Variants in COL12A1 observed in about 807,000 individuals in gnomAD.
COL12A1 encodes the protein collagen alpha-1(XII) chain.
In COL12A1, 114 loss-of-function variants were observed where a neutral mutation model predicts 349.7. The ratio of observed to expected loss-of-function variants is 0.33; its 90% CI spans 0.28 to 0.38. COL12A1 has a LOEUF of 0.38. Among genes scored for constraint, COL12A1 ranks in the 10% least tolerant of loss-of-function variants. The pLI, the probability that COL12A1 is intolerant of heterozygous loss-of-function variation, is 1.00. For missense variants in COL12A1, 3,284 were observed against 3,756.9 expected, an observed-to-expected ratio of 0.87 and a Z score of 3.29; for synonymous variants, 1,369 against 1,329.0, an observed-to-expected ratio of 1.03 and a Z score of -0.66.
At chr6:75,102,736 C>G (rs1768366373) in intron 55 of COL12A1, 44 bp from the exon 56 acceptor site, 1 of 1,236,004 alleles carries the variant, frequency 8.1e-7, no homozygotes, top group Non-Finnish European at 1.1e-6. Context: ...AATGTAATAC[C>G]TTTTCAGTGC....
chr6:75,116,991 A>T (rs894924191), intron 47 of COL12A1, among the ~76,000 whole-genome samples: 6 of 152,158 alleles, frequency 3.9e-5, no homozygotes, highest in Non-Finnish European at 7.4e-5. Context: ...ATTTTTCTTC[A>T]TTGCTCTCTT....
Position 75,181,229 on chromosome 6 carries a change from AAGAC to A in COL12A1, c.1892-22_1892-19del, listed in dbSNP as rs1359881623. The A allele has an allele frequency of 1.9e-6, 3 of 1,572,544 alleles. No homozygotes were observed. The African/African-American group carries it at 4.1e-5, about 22-fold the overall frequency. ...GACGTAAGCTATTTAAAAAAAAAAAAAGACAGTTAAAAATGCTTGAATCTATAAA... is the reference window on the plus strand; with the variant it reads ...GACGTAAGCTATTTAAAAAAAAAAAAAGTTAAAAATGCTTGAATCTATAAA... On this transcript the variant is annotated intron_variant, in intron 10 of 65. Transcript: ENST00000322507.
intron 27 of COL12A1, among the ~76,000 whole-genome samples, chr6:75,139,364 C>T (rs1335235233): frequency 6.6e-6 from 1 of 151,982 alleles, no homozygotes; most frequent in Non-Finnish European, 1.5e-5. Context: ...GTTAAGAAGT[C>T]CTTATTAACC....
chr6:75,154,454 G>T lies in COL12A1; in HGVS notation c.3527C>A (p.Thr1176Asn), dbSNP rs1003693918. 5.6e-6 allele frequency: 9 copies of T among 1,612,586 alleles called. No individual in the cohort carries two copies. The highest frequency in any genetic ancestry group is 6.8e-6 in the Non-Finnish European group (8 of 1,179,138). ...SSPLVGQEMTTLSDTTVMPIL... is the reference protein window; with the variant it reads ...SSPLVGQEMTNLSDTTVMPIL... ...TGGCATAACAGTTGTGTCGGAAAGGGTTGTCATTTCTTGTCCAACAAGTGG... is the reference window on the plus strand; with the variant it reads ...TGGCATAACAGTTGTGTCGGAAAGGTTTGTCATTTCTTGTCCAACAAGTGG... The change falls in exon 17 of 66, where the codon ACC (threonine) becomes AAC (asparagine). Residue 1176 changes from threonine to asparagine, a missense_variant. Transcript: ENST00000322507.
At chr6:75,140,939 T>G (rs1340953882) in intron 27 of COL12A1, among the ~76,000 whole-genome samples, 1 of 152,312 alleles carries the variant, frequency 6.6e-6, no homozygotes, top group East Asian at 1.9e-4. Flanking sequence ...TGAATTGAGA[T>G]GTGCTCTAAG....
intron 14 of COL12A1, among the ~76,000 whole-genome samples, chr6:75,163,239 A>G (rs1582158462): frequency 6.6e-6 from 1 of 152,348 alleles, no homozygotes; most frequent in Middle Eastern, 3.4e-3. Context: ...AGTGTTCACA[A>G]TAGCAAAGAC....
Position 75,119,488 on chromosome 6 carries a change from G to T in COL12A1, c.7087-15C>A. ...ACAAATGAAACCTGAAGGAAAATGT[G>T]ATTTGGCAGTGAGCATAAGTCATCT... is the stretch of plus-strand genomic sequence containing the variant. On this transcript the variant is annotated splice_polypyrimidine_tract_variant and intron_variant, in intron 44 of 65. Coordinates refer to ENST00000322507, the MANE Select transcript of COL12A1 (RefSeq NM_004370.6). The T allele has an allele frequency of 1.3e-6, 2 of 1,597,132 alleles. No homozygotes were observed. The highest frequency in any genetic ancestry group is 1.1e-5 in the South Asian group (1 of 88,096).
chr6:75,145,833 T>C (rs1300027647), intron 24 of COL12A1, among the ~76,000 whole-genome samples: 1 of 152,072 alleles, frequency 6.6e-6, no homozygotes, highest in Non-Finnish European at 1.5e-5. Context: ...TGTTTCACCA[T>C]ATTGGTCGGG....
intron 60 of COL12A1, among the ~76,000 whole-genome samples, chr6:75,093,010 T>A (rs1335101650): frequency 6.6e-6 from 1 of 152,170 alleles, no homozygotes; most frequent in East Asian, 1.9e-4. Flanking sequence ...TTTCCATAGA[T>A]CAAATAGCTT....
intron 15 of COL12A1, 123 bp downstream of exon 15, chr6:75,156,134 G>A (rs897704592): frequency 8.2e-7 from 1 of 1,216,642 alleles, no homozygotes; most frequent in Non-Finnish European, 1.1e-6. Flanking sequence ...ACATTGTCTA[G>A]TAATTATAAT....
At chr6:75,188,793 A>G (rs118077439) in intron 7 of COL12A1, among the ~76,000 whole-genome samples, 1 of 152,320 alleles carries the variant, frequency 6.6e-6, no homozygotes, top group East Asian at 1.9e-4. Context: ...CATCCCAACC[A>G]TACCATCGTA....
Position 75,175,241 on chromosome 6 carries a change from C to G in COL12A1, c.2507G>C (p.Gly836Ala), listed in dbSNP as rs896174164. The G allele has an allele frequency of 6.2e-7, 1 of 1,614,148 alleles. No homozygotes were observed. The highest frequency in any genetic ancestry group is 8.5e-7 in the Non-Finnish European group (1 of 1,180,032). ...TTSTMKLSWS[G>A]APGKVKQYLV... ...ATACTGTTTCACTTTTCCTGGTGCC[C>G]CACTCCAAGATAATTTCATAGTAGA... Residue 836 changes from glycine (G) to alanine (A), a missense_variant, in exon 13 of 66, where the codon GGG becomes GCG. By Grantham distance (60) the Gly-to-Ala change is moderately conservative. Around this residue, in one of 2 missense-constraint regions of COL12A1, gnomAD observed 2,601 missense variants for 2,824.8 expected, o/e 0.92. Transcript: ENST00000322507.
chr6:75,137,444 T>G lies in COL12A1; in HGVS notation c.5387A>C (p.Glu1796Ala). 6.3e-7 allele frequency: 1 copy of G among 1,593,404 alleles called. No individual in the cohort carries two copies. Among genetic ancestry groups the G allele is most frequent in the Non-Finnish European group, 8.5e-7 (1 of 1,174,034 alleles). The change falls in exon 31 of 66, where the codon GAG (glutamate) becomes GCG (alanine). Residue 1796 changes from glutamate (E) to alanine (A), a missense_variant. Glu to Ala is a moderately radical substitution (Grantham distance 107). Transcript: ENST00000322507. Reference sequence around the variant, plus strand: ...TTTTTATTAAAAAATTACCGTTTGCTCATTGCCTTCCCCTGTGGAAGGCTG... The same window carrying G: ...TTTTTATTAAAAAATTACCGTTTGCGCATTGCCTTCCCCTGTGGAAGGCTG... ...TYQPSTGEGN[E>A]QTTTIGGRQN...
At position 75,156,327 on chromosome 6, in the gene COL12A1, T is replaced by C. The variant is rs1396698622; in HGVS notation, c.3180A>G (p.Thr1060=). 11 of 1,613,830 alleles carry C rather than the reference T, an allele frequency of 6.8e-6. No individual in the cohort carries two copies. Among genetic ancestry groups the C allele is most frequent in the South Asian group, 3.3e-5 (3 of 91,086 alleles). Residue 1060 remains threonine, a synonymous_variant, in exon 15 of 66, where the codon ACA becomes ACG. Coordinates refer to ENST00000322507, the MANE Select transcript of COL12A1 (RefSeq NM_004370.6). ...TVLKRLQPQT[T]YDITVLPIYK... ...AAATAGGAAGAACTGTGATGTCATA[T>C]GTGGTCTGTGGCTGAAGTCGCTTTA... is the stretch of plus-strand genomic sequence containing the variant.
chr6:75,131,115 T>A (rs1766281595), intron 35 of COL12A1, 134 bp from the exon 36 acceptor site: 1 of 1,184,616 alleles, frequency 8.4e-7, no homozygotes, highest in Non-Finnish European at 1.2e-6. Context: ...TGCTTCTCCA[T>A]AAGATCCACC....
At chr6:75,181,619 G>A (rs1303138471) in intron 10 of COL12A1, among the ~76,000 whole-genome samples, 1 of 152,116 alleles carries the variant, frequency 6.6e-6, no homozygotes, top group Non-Finnish European at 1.5e-5. Flanking sequence ...GTGGTTTGCA[G>A]ACAAATATTT....
chr6:75,124,160 C>A lies in COL12A1; in HGVS notation c.6725-66G>T, dbSNP rs240722. ...ATTATATTTCAAGAAAATTTTATATCGCATTGTTATAAACAAAATGGCATC... is the reference window on the plus strand; with the variant it reads ...ATTATATTTCAAGAAAATTTTATATAGCATTGTTATAAACAAAATGGCATC... On this transcript the variant is annotated intron_variant, in intron 41 of 65. Coordinates refer to ENST00000322507, the MANE Select transcript of COL12A1 (RefSeq NM_004370.6). The A allele has an allele frequency of 0.73, 1,166,302 of 1,591,790 alleles. 428,548 individuals are homozygous for A. Among genetic ancestry groups the A allele is most frequent in the African/African-American group, 0.83 (61,642 of 74,128 alleles).
In COL12A1 at chr6:75,192,346, G is replaced by C. The variant is rs1436987187; in HGVS notation, c.200C>G (p.Thr67Ser). The C allele has an allele frequency of 8.1e-6, 13 of 1,610,636 alleles. No individual in the cohort carries two copies. In the East Asian group the frequency reaches 1.3e-4, roughly 17 times the overall value. The change falls in exon 4 of 66, where the codon ACT (threonine) becomes AGT (serine). Residue 67 changes from threonine to serine, a missense_variant. Coordinates refer to ENST00000322507, the MANE Select transcript of COL12A1 (RefSeq NM_004370.6). ...ACTAGCTGAAAGGGTAAATTCTTTA[G>C]TAGGCCCATCTGGAAATATAAAAAG... ...ITVDPTTDGP[T>S]KEFTLSASTT...
intron 5 of COL12A1, 150 bp from the exon 6 acceptor site, chr6:75,189,965 A>G (rs998943564): frequency 1.9e-5 from 16 of 830,896 alleles, no homozygotes; most frequent in Non-Finnish European, 2.6e-5. Context: ...ACAAAGAAAT[A>G]TACAATTTTA....
Sources: gnomAD v4.1 joint callset for allele counts (sites outside exome capture counted in the v4.1 genomes callset) on GRCh38, gnomAD v4.1.1 for gene constraint, gnomAD v4.1.1 regional missense constraint, MANE v1.5 for transcripts, NCBI Gene and HGNC (gene_info 2026-07-23, HGNC 2026-07-21) for gene names.